Variants in CDH13 observed in about 807,000 individuals in gnomAD.
CDH13 encodes cadherin 13.
A neutral mutation model predicts 63.8 loss-of-function variants in CDH13; 24 were observed. The observed-to-expected ratio is 0.38, with a 90% confidence interval of 0.27 to 0.53. The LOEUF is 0.53. Among genes scored for constraint, CDH13 ranks in the 20% least tolerant of loss-of-function variants. The probability of loss-of-function intolerance (pLI) is 0.85; values close to 1 mark genes in which losing one functional copy is unlikely to be tolerated. For synonymous variants in CDH13, 503 were observed against 355.3 expected, an observed-to-expected ratio of 1.42 and a Z score of -4.67; for missense variants, 1,049 against 903.1, an observed-to-expected ratio of 1.16 and a Z score of -2.07.
intron 7 of CDH13, among the ~76,000 whole-genome samples, chr16:83,559,790 G>T (rs1409830703): frequency 6.6e-6 from 1 of 152,164 alleles, no homozygotes; most frequent in Non-Finnish European, 1.5e-5. Flanking sequence ...AACAGGGATT[G>T]GAAGCCAAGA....
intron 6 of CDH13, among the ~76,000 whole-genome samples, chr16:83,398,534 C>T (rs1049200756): frequency 2.6e-5 from 4 of 152,310 alleles, no homozygotes; most frequent in South Asian, 2.1e-4. Context: ...CAAAGACACA[C>T]CCCCACTTAT....
At chr16:83,408,322 T>G (rs7198275) in intron 6 of CDH13, among the ~76,000 whole-genome samples, 145,153 of 152,232 alleles carry the variant, frequency 0.95, 69,604 homozygotes, top group East Asian at 1. Flanking sequence ...CAACAATGGG[T>G]ATACCTTCTG....
intron 2 of CDH13, among the ~76,000 whole-genome samples, chr16:82,982,037 A>G (rs907228810): frequency 2.0e-5 from 3 of 152,206 alleles, no homozygotes; most frequent in African/African-American, 4.8e-5. Context: ...AGCATGGTAT[A>G]TGAAGCCATA....
intron 6 of CDH13, among the ~76,000 whole-genome samples, chr16:83,430,941 A>G (rs2072081137): frequency 6.7e-6 from 1 of 150,170 alleles, no homozygotes; most frequent in Non-Finnish European, 1.5e-5. Flanking sequence ...AGCATTAGGT[A>G]TATCTCCCAA....
intron 9 of CDH13, among the ~76,000 whole-genome samples, chr16:83,676,180 C>T (rs985856889): frequency 1.3e-5 from 2 of 152,218 alleles, no homozygotes; most frequent in African/African-American, 4.8e-5. Flanking sequence ...TATTTCCAAG[C>T]ATTTTGACTG....
intron 1 of CDH13, among the ~76,000 whole-genome samples, chr16:82,650,066 A>AT (rs1910548268): frequency 1.3e-5 from 2 of 152,156 alleles, no homozygotes; most frequent in Non-Finnish European, 2.9e-5. Flanking sequence ...TCACTTAAAG[A>AT]ATGTTCTCTG....
chr16:83,227,435 G>A (rs1240551423), intron 5 of CDH13, among the ~76,000 whole-genome samples: 1 of 152,196 alleles, frequency 6.6e-6, no homozygotes, highest in South Asian at 2.1e-4. Flanking sequence ...GAATAATGTT[G>A]TGATGGGGGC....
At chr16:83,229,743 G>A (rs1352508022) in intron 5 of CDH13, among the ~76,000 whole-genome samples, 2 of 152,058 alleles carry the variant, frequency 1.3e-5, no homozygotes, top group Non-Finnish European at 2.9e-5. Context: ...ACCTTTTCTG[G>A]AATCATGTTG....
intron 10 of CDH13, among the ~76,000 whole-genome samples, chr16:83,718,686 C>T (rs72797292): frequency 0.1 from 15,778 of 152,148 alleles, 1,059 homozygotes; most frequent in Non-Finnish European, 0.15. Flanking sequence ...TCCACCACCA[C>T]GATGGGTCCA....
At chr16:83,586,140 G>T (rs1906132107) in intron 7 of CDH13, among the ~76,000 whole-genome samples, 1 of 149,726 alleles carries the variant, frequency 6.7e-6, no homozygotes, top group South Asian at 2.1e-4. Flanking sequence ...TGTCTGAGTG[G>T]AGCCCGGATG....
intron 5 of CDH13, among the ~76,000 whole-genome samples, chr16:83,330,819 A>G (rs2090466538): frequency 6.6e-6 from 1 of 152,158 alleles, no homozygotes; most frequent in Non-Finnish European, 1.5e-5. Flanking sequence ...CTTCCTCTTA[A>G]TTCTGAATGA....
chr16:82,805,375 T>C (rs1158165283), intron 1 of CDH13, among the ~76,000 whole-genome samples: 1 of 152,186 alleles, frequency 6.6e-6, no homozygotes, highest in Non-Finnish European at 1.5e-5. Flanking sequence ...TTTTTAGCTG[T>C]CCAAATCCAG....
rs568720371 is a variant in CDH13, at chr16:82,994,282, C to G, written c.158-37728C>G. 3.9e-5 allele frequency among the ~76,000 whole-genome samples: 6 copies of G among 152,312 alleles called. No individual in the cohort carries two copies. In the South Asian group the frequency reaches 1.0e-3, roughly 26 times the overall value. ...CCTCTTTATAGCTAGAGACCCACGTCTCTAACTCCTCCTCATCCTGACTTA... is the reference window on the plus strand; with the variant it reads ...CCTCTTTATAGCTAGAGACCCACGTGTCTAACTCCTCCTCATCCTGACTTA... On this transcript the variant is annotated intron_variant, in intron 2 of 13. Transcript: ENST00000567109.
chr16:82,800,696 C>T (rs1028780029), intron 1 of CDH13, among the ~76,000 whole-genome samples: 4 of 152,158 alleles, frequency 2.6e-5, no homozygotes, highest in Admixed American at 6.5e-5. Flanking sequence ...TCATGCCATT[C>T]AACTGCCACA....
intron 3 of CDH13, among the ~76,000 whole-genome samples, chr16:83,064,233 G>A (rs1199707881): frequency 6.6e-6 from 1 of 152,144 alleles, no homozygotes; most frequent in Non-Finnish European, 1.5e-5. Context: ...GCTGGGTGTG[G>A]TGGCATGCAC....
chr16:83,303,318 G>A lies in CDH13; in HGVS notation c.637-41544G>A, dbSNP rs185568980. ...TAGAAAATCAAAGGAGGATGATCAC[G>A]CAATAACCCAGTAGGTCCAGATGCT... On this transcript the variant is annotated intron_variant, in intron 5 of 13. Coordinates refer to ENST00000567109, the MANE Select transcript of CDH13 (RefSeq NM_001257.5). 7.2e-5 allele frequency among the ~76,000 whole-genome samples: 11 copies of A among 152,274 alleles called. No homozygotes were observed. The East Asian group carries it at 9.7e-4, about 13-fold the overall frequency.
intron 5 of CDH13, among the ~76,000 whole-genome samples, chr16:83,254,711 G>C (rs1007508386): frequency 6.6e-6 from 1 of 152,170 alleles, no homozygotes; most frequent in Non-Finnish European, 1.5e-5. Flanking sequence ...CCTTGAATCT[G>C]TTCAATAATT....
chr16:82,782,271 A>G (rs965948455), intron 1 of CDH13, among the ~76,000 whole-genome samples: 2 of 152,236 alleles, frequency 1.3e-5, no homozygotes, highest in Non-Finnish European at 2.9e-5. Flanking sequence ...AGAAAAGAGT[A>G]AACAAATGGG....
In CDH13 at chr16:83,480,361, A is replaced by T. The variant is rs117250111; in HGVS notation, c.782-6116A>T. ...GGGGCTTAACTGCCCAGAGAAGCCC[A>T]GCAGGTGAGGCCAGGTTTTAAAAAT... On this transcript the variant is annotated intron_variant, in intron 6 of 13. Coordinates refer to ENST00000567109, the MANE Select transcript of CDH13 (RefSeq NM_001257.5). Among the ~76,000 whole-genome samples, 1,081 of 152,328 alleles carry T rather than the reference A, an allele frequency of 7.1e-3. 8 individuals are homozygous for T. The highest frequency in any genetic ancestry group is 0.011 in the Non-Finnish European group (740 of 68,018).
Sources: allele counts gnomAD v4.1 joint callset (sites outside exome capture counted in the v4.1 genomes callset), GRCh38; gene constraint gnomAD v4.1.1; transcripts MANE v1.5; gene names NCBI Gene and HGNC (gene_info 2026-07-23, HGNC 2026-07-21).